AP2A1: variants seen among roughly 807,000 people sequenced by gnomAD.
AP2A1 encodes adaptor related protein complex 2 subunit alpha 1.
Under a neutral mutation model 107.3 loss-of-function variants are expected in AP2A1, and 21 were observed. That is an observed-to-expected ratio of 0.20 (90% CI 0.14 to 0.28). AP2A1 has a LOEUF of 0.28. Among genes scored for constraint, AP2A1 ranks in the 10% least tolerant of loss-of-function variants. AP2A1 has a pLI of 1.00. For missense variants in AP2A1, 873 were observed against 1,307.7 expected (o/e 0.67, Z 5.13); for synonymous variants, 602 against 564.8 (o/e 1.07, Z -0.93).
At chr19:49,800,722 C>G (rs966052464) in intron 11 of AP2A1, 1 of 428,848 alleles carries the variant, frequency 2.3e-6, no homozygotes. Context: ...CTGCCCGCCT[C>G]GGCCTCCCAA....
At position 49,785,573 on chromosome 19, in the gene AP2A1, C is replaced by T. The variant is rs929139078; in HGVS notation, c.473+2849C>T. 9.2e-5 allele frequency among the ~76,000 whole-genome samples: 14 copies of T among 151,632 alleles called. No individual in the cohort carries two copies. Among genetic ancestry groups the T allele is most frequent in the Non-Finnish European group, 1.6e-4 (11 of 67,906 alleles). Reference sequence around the variant, plus strand: ...GAAGTTGGATTGCAGGGAGTCAGGGCGGGAGGGAGAGAGATCTGAGAGAGA... The same window carrying T: ...GAAGTTGGATTGCAGGGAGTCAGGGTGGGAGGGAGAGAGATCTGAGAGAGA... On this transcript the variant is annotated intron_variant, in intron 4 of 22. Coordinates refer to ENST00000354293, the MANE Select transcript of AP2A1 (RefSeq NM_130787.3). This position sits in a 1 kb window ranked among gnomAD's most constrained non-coding sequence, Gnocchi z 4.1.
Position 49,788,416 on chromosome 19 carries a change from A to G in AP2A1, c.474-3519A>G, listed in dbSNP as rs73934044. Reference sequence around the variant, plus strand: ...TGGAGATGATAGAATCCGCGTCCTTAGAGGGCTGTGGTGGGGAGCGAGCGA... The same window carrying G: ...TGGAGATGATAGAATCCGCGTCCTTGGAGGGCTGTGGTGGGGAGCGAGCGA... On this transcript the variant is annotated intron_variant, in intron 4 of 22. Coordinates refer to ENST00000354293, the MANE Select transcript of AP2A1 (RefSeq NM_130787.3). The surrounding 1 kb of genome is among the most constrained non-coding windows in gnomAD (Gnocchi z 4.5). Among the ~76,000 whole-genome samples the G allele has an allele frequency of 5.1e-4, 78 of 152,318 alleles. No individual in the cohort carries two copies. Among genetic ancestry groups the G allele is most frequent in the African/African-American group, 1.9e-3 (78 of 41,572 alleles).
chr19:49,775,286 A>G (rs2084606513), intron 1 of AP2A1, among the ~76,000 whole-genome samples: 1 of 152,148 alleles, frequency 6.6e-6, no homozygotes, highest in Non-Finnish European at 1.5e-5. Flanking sequence ...TATTTTCTTT[A>G]CCCTAGTATA....
rs1031428829 is a variant in AP2A1 at position 49,788,628 on chromosome 19, C to A, written c.474-3307C>A. The stretch of plus-strand genomic sequence containing the variant: ...GGGAAAGTGGCCCAGAGTCAGGGCT[C>A]GGGAGATGCACTGTGGCTCGGGAGA... On this transcript the variant is annotated intron_variant, in intron 4 of 22. Coordinates refer to ENST00000354293, the MANE Select transcript of AP2A1 (RefSeq NM_130787.3). This position sits in a 1 kb window ranked among gnomAD's most constrained non-coding sequence, Gnocchi z 4.5. Among the ~76,000 whole-genome samples, 2 of 151,474 alleles carry A rather than the reference C, an allele frequency of 1.3e-5. No homozygotes were observed. The highest frequency in any genetic ancestry group is 4.9e-5 in the African/African-American group (2 of 41,172).
rs1224201399 is a variant in AP2A1 at position 49,800,053 on chromosome 19, C to T, written c.1358C>T (p.Ala453Val). ...VDTILNLIRI[A>V]GDYVSEEVWY... ...ACCATCCTCAACCTCATCCGCATTG[C>T]GGGCGACTACGTGAGTGAGGAGGTG... The change falls in exon 11 of 23, where the codon GCG becomes GTG. Residue 453 changes from alanine (A) to valine (V), a missense_variant. Transcript: ENST00000354293. 2 of 1,614,032 alleles carry T rather than the reference C, an allele frequency of 1.2e-6. No individual in the cohort carries two copies. Among genetic ancestry groups the T allele is most frequent in the African/African-American group, 1.3e-5 (1 of 75,074 alleles).
At chr19:49,772,177 C>T (rs1361382300) in intron 1 of AP2A1, among the ~76,000 whole-genome samples, 1 of 151,490 alleles carries the variant, frequency 6.6e-6, no homozygotes, top group African/African-American at 2.4e-5. Context: ...CCCGCCTCAG[C>T]CTCCTAAGTA....
rs776447591 is a variant in AP2A1, at chr19:49,767,118, C to G, written c.-16C>G. ...TGCCCTGTCCGGCCAGGCCTGGAGC[C>G]GACACCACCGCCATCATGCCGGCCG... On this transcript the variant is annotated 5_prime_UTR_variant, in exon 1 of 23. Coordinates refer to ENST00000354293, the MANE Select transcript of AP2A1 (RefSeq NM_130787.3). 2.5e-6 allele frequency: 4 copies of G among 1,610,322 alleles called. No homozygotes were observed. The highest frequency in any genetic ancestry group is 2.2e-5 in the South Asian group (2 of 90,978).
At chr19:49,795,609 T>C in intron 6 of AP2A1, 21 bp from the exon 7 acceptor site, 3 of 817,528 alleles carry the variant, frequency 3.7e-6, no homozygotes, top group Non-Finnish European at 3.7e-6. Context: ...CCCCAACTTA[T>C]TTCTTGCTCT....
At chr19:49,779,283 G>A (rs2084648054) in intron 1 of AP2A1, among the ~76,000 whole-genome samples, 1 of 148,218 alleles carries the variant, frequency 6.7e-6, no homozygotes, top group Non-Finnish European at 1.5e-5. Flanking sequence ...GTTGCAGTGA[G>A]CTGAAATTGC....
At chr19:49,774,454 A>T (rs1160764337) in intron 1 of AP2A1, among the ~76,000 whole-genome samples, 1 of 152,216 alleles carries the variant, frequency 6.6e-6, no homozygotes, top group Admixed American at 6.5e-5. Context: ...ATTTACGAAG[A>T]ATATATTTTC....
intron 1 of AP2A1, 125 bp downstream of exon 1, chr19:49,767,325 A>G (rs1450720917): frequency 8.3e-7 from 1 of 1,206,212 alleles, no homozygotes; most frequent in East Asian, 2.5e-5. Flanking sequence ...GACAGCATAG[A>G]TGGGCCCCAG....
rs1388932734 is a variant in AP2A1, at chr19:49,792,083, C to T, written c.603+19C>T. 1.9e-6 allele frequency: 3 copies of T among 1,608,068 alleles called. No individual in the cohort carries two copies. The highest frequency in any genetic ancestry group is 2.2e-5 in the East Asian group (1 of 44,712). Reference sequence around the variant, plus strand: ...GCACATGGTGAGCCCCCAGCCCTCACACCCCCGGATACCCAGGGCTCCCAC... The same window carrying T: ...GCACATGGTGAGCCCCCAGCCCTCATACCCCCGGATACCCAGGGCTCCCAC... On this transcript the variant is annotated intron_variant, in intron 5 of 22. Coordinates refer to ENST00000354293, the MANE Select transcript of AP2A1 (RefSeq NM_130787.3).
At chr19:49,786,934 C>A (rs766762928) in intron 4 of AP2A1, among the ~76,000 whole-genome samples, 76 of 152,176 alleles carry the variant, frequency 5.0e-4, no homozygotes, top group Admixed American at 1.1e-3. Context: ...TAGGCTGCCC[C>A]CTCCACACTG....
chr19:49,796,929 C>G (rs1457482146), intron 7 of AP2A1: 1 of 152,198 alleles, frequency 6.6e-6, no homozygotes, highest in Admixed American at 6.5e-5. Flanking sequence ...TGTACACACT[C>G]TGAGTATACG....
At chr19:49,789,279 C>T (rs1262292359) in intron 4 of AP2A1, among the ~76,000 whole-genome samples, 6 of 152,062 alleles carry the variant, frequency 3.9e-5, no homozygotes, top group African/African-American at 1.2e-4. Flanking sequence ...TATGGCCATG[C>T]ACCACACAAT....
At chr19:49,798,729 C>G in intron 7 of AP2A1, 73 bp from the exon 8 acceptor site, 1 of 1,530,126 alleles carries the variant, frequency 6.5e-7, no homozygotes, top group Non-Finnish European at 8.8e-7. Flanking sequence ...GGAGCTGGGG[C>G]ATGGCCACCA....
chr19:49,802,356 A>G (rs1456820550), intron 15 of AP2A1: 1 of 862,520 alleles, frequency 1.2e-6, no homozygotes, highest in South Asian at 1.4e-5. Context: ...GACCCTGGCC[A>G]CCCTTCGTTG....
rs77887914 is a variant in AP2A1 at position 49,788,578 on chromosome 19, A to G, written c.474-3357A>G. Among the ~76,000 whole-genome samples, 16,456 of 140,032 alleles carry G rather than the reference A, an allele frequency of 0.12. 1,173 individuals are homozygous for G. Among genetic ancestry groups the G allele is most frequent in the East Asian group, 0.24 (1,157 of 4,756 alleles). 91.9% of individuals were successfully genotyped at this position (140,032 alleles called of 152,430 possible). A position where few individuals can be genotyped will look rare whatever the true frequency, so the allele number is the denominator to read the frequency against. ...GGGCTCGGGAGATGCGCTGTGGCTC[A>G]GGAGATGTGCGCCGTGGCAGCGATG... On this transcript the variant is annotated intron_variant, in intron 4 of 22. Transcript: ENST00000354293. The surrounding 1 kb of genome is among the most constrained non-coding windows in gnomAD (Gnocchi z 4.5).
At chr19:49,780,946 G>T (rs1244622052) in intron 1 of AP2A1, among the ~76,000 whole-genome samples, 2 of 152,102 alleles carry the variant, frequency 1.3e-5, no homozygotes, top group Non-Finnish European at 2.9e-5. Context: ...AGGAGAAGAG[G>T]GAACGGTAGA....
Sources: allele counts gnomAD v4.1 joint callset (sites outside exome capture counted in the v4.1 genomes callset), GRCh38; gene constraint gnomAD v4.1.1; non-coding constraint Gnocchi (gnomAD v3.1); transcripts MANE v1.5; gene names NCBI Gene and HGNC (gene_info 2026-07-23, HGNC 2026-07-21).